The following CACNA1C variants were observed in gnomAD, a reference collection of about 807,000 sequenced individuals.
CACNA1C encodes calcium voltage-gated channel subunit alpha1 C.
CACNA1C carries 30 observed loss-of-function variants against 229.0 expected under a neutral mutation model. The observed-to-expected ratio is 0.13, with a 90% CI of 0.10 to 0.18. The LOEUF is 0.18. Ranked by LOEUF, CACNA1C falls within the 10% of genes least tolerant of loss-of-function variation. The pLI is 1.00. For synonymous variants in CACNA1C, 1,114 were observed against 1,132.5 expected, an observed-to-expected ratio of 0.98 and a Z score of 0.33; for missense variants, 1,658 against 2,845.0, an observed-to-expected ratio of 0.58 and a Z score of 9.49.
chr12:2,245,704 T>C (rs2370413), intron 3 of CACNA1C, among the ~76,000 whole-genome samples: 89,072 of 152,050 alleles, frequency 0.59, 28,714 homozygotes, highest in African/African-American at 0.87. Context: ...GACAGCAAAA[T>C]CTGGCCTTTC....
In CACNA1C at chr12:2,542,377, T is replaced by C. The variant is rs190082661; in HGVS notation, c.1391-7566T>C. 1.8e-3 allele frequency among the ~76,000 whole-genome samples: 272 copies of C among 152,306 alleles called. 5 individuals are homozygous for C. The highest frequency in any genetic ancestry group is 7.7e-4 in the East Asian group (4 of 5,178). ...TTGCTTTCAGCAATACAGGGAACTG[T>C]CAAGAGAGCCATTCGTTTTACAGAG... On this transcript the variant is annotated intron_variant, in intron 9 of 46. Coordinates refer to ENST00000399655, the MANE Select transcript of CACNA1C (RefSeq NM_000719.7).
chr12:2,210,745 TTTCATTCA>T (rs1386204641), intron 3 of CACNA1C, among the ~76,000 whole-genome samples: 2 of 152,216 alleles, frequency 1.3e-5, no homozygotes, highest in African/African-American at 4.8e-5. Flanking sequence ...AAGTTAATTT[TTTCATTCA>T]GTCATTCAGT....
At chr12:1,981,473 G>A (rs1378205751) in intron 1 of CACNA1C, among the ~76,000 whole-genome samples, 1 of 152,208 alleles carries the variant, frequency 6.6e-6, no homozygotes, top group Non-Finnish European at 1.5e-5. Flanking sequence ...CACTCTAACA[G>A]AGAAGCCAGG....
intron 3 of CACNA1C, among the ~76,000 whole-genome samples, chr12:2,163,298 C>T (rs1158637832): frequency 6.6e-6 from 1 of 152,032 alleles, no homozygotes. Context: ...TCACAACAGC[C>T]TTGTGACGTA....
At chr12:2,631,053 G>C (rs2090156244) in intron 29 of CACNA1C, among the ~76,000 whole-genome samples, 1 of 152,192 alleles carries the variant, frequency 6.6e-6, no homozygotes, top group Admixed American at 6.5e-5. Context: ...TTAGGTCTCA[G>C]CCCTTCACCC....
At chr12:2,015,331 C>G (rs1395727107) in intron 1 of CACNA1C, among the ~76,000 whole-genome samples, 1 of 152,172 alleles carries the variant, frequency 6.6e-6, no homozygotes, top group Admixed American at 6.5e-5. Context: ...TATCCCAGCC[C>G]CAAGTTTTCT....
intron 3 of CACNA1C, among the ~76,000 whole-genome samples, chr12:2,168,988 G>A (rs2096363912): frequency 6.6e-6 from 1 of 152,176 alleles, no homozygotes; most frequent in Admixed American, 6.5e-5. Flanking sequence ...GTCAGAGACT[G>A]TGATGACACA....
At chr12:2,062,299 A>G (rs1235553807) in intron 1 of CACNA1C, among the ~76,000 whole-genome samples, 2 of 152,250 alleles carry the variant, frequency 1.3e-5, no homozygotes, top group Non-Finnish European at 2.9e-5. Context: ...TTATCCTTAC[A>G]GTAATCCTAC....
chr12:2,195,976 C>G (rs2097391940), intron 3 of CACNA1C, among the ~76,000 whole-genome samples: 1 of 152,214 alleles, frequency 6.6e-6, no homozygotes, highest in African/African-American at 2.4e-5. Flanking sequence ...GTGTTCAGAT[C>G]AGATGGTCCC....
intron 38 of CACNA1C, among the ~76,000 whole-genome samples, chr12:2,670,807 C>T (rs188533756): frequency 6.0e-5 from 9 of 151,182 alleles, no homozygotes; most frequent in Admixed American, 5.3e-4. Flanking sequence ...TGCAGTGAGC[C>T]GAGATCACCC....
At chr12:2,192,102 G>GCA (rs1277716774) in intron 3 of CACNA1C, among the ~76,000 whole-genome samples, 1 of 151,850 alleles carries the variant, frequency 6.6e-6, no homozygotes. Context: ...ACATGGGCGC[G>GCA]CACACACACA....
Position 2,348,229 on chromosome 12 carries a change from A to G in CACNA1C, c.478-100747A>G, listed in dbSNP as rs1399523148. Among the ~76,000 whole-genome samples, 1 of 152,156 alleles carries G rather than the reference A, an allele frequency of 6.6e-6. No homozygotes were observed. The highest frequency in any genetic ancestry group is 1.5e-5 in the Non-Finnish European group (1 of 68,024). On this transcript the variant is annotated intron_variant, in intron 3 of 46. Coordinates refer to ENST00000399655, the MANE Select transcript of CACNA1C (RefSeq NM_000719.7). The surrounding 1 kb of genome is among the most constrained non-coding windows in gnomAD (Gnocchi z 4.7). ...AGGCGCCAGCTGTGCCTGACTCCTG[A>G]GGCCTTCTGCTCACCGGAAGGGGGG...
At chr12:2,365,839 A>G (rs2097706233) in intron 3 of CACNA1C, among the ~76,000 whole-genome samples, 1 of 152,210 alleles carries the variant, frequency 6.6e-6, no homozygotes, top group South Asian at 2.1e-4. Context: ...AATTCCTACC[A>G]GTGGGAATGG....
In CACNA1C at chr12:2,036,384, T is replaced by C. The variant is rs140500459; in HGVS notation, c.139+65183T>C. ...AAGGGGAATCAGGCTTTGTGGGTGC[T>C]GCCCCAGCCTCTAGCTCTGGAGAGC... is the stretch of plus-strand genomic sequence containing the variant. On this transcript the variant is annotated intron_variant, in intron 1 of 46. Coordinates refer to the CACNA1C transcript ENST00000682462. Among the ~76,000 whole-genome samples, 87 of 152,300 alleles carry C rather than the reference T, an allele frequency of 5.7e-4. No individual in the cohort carries two copies. In the East Asian group the frequency reaches 0.017, roughly 29 times the overall value.
chr12:2,110,424 C>T (rs1241508780), intron 1 of CACNA1C, among the ~76,000 whole-genome samples: 2 of 152,184 alleles, frequency 1.3e-5, no homozygotes, highest in African/African-American at 2.4e-5. Flanking sequence ...TGGGAGCATC[C>T]GTGGAAACAG....
At chr12:2,590,682 CGGG>C (rs763520031) in intron 18 of CACNA1C, among the ~76,000 whole-genome samples, 1 of 152,038 alleles carries the variant, frequency 6.6e-6, no homozygotes, top group Non-Finnish European at 1.5e-5. Flanking sequence ...GCTTCATAAA[CGGG>C]GGGGAGCTCG....
At chr12:2,563,898 G>A (rs574288511) in intron 11 of CACNA1C, among the ~76,000 whole-genome samples, 12 of 152,322 alleles carry the variant, frequency 7.9e-5, no homozygotes, top group Middle Eastern at 3.4e-3. Flanking sequence ...CTACATGCCC[G>A]GGGGCTAGGA....
chr12:2,120,559 C>CA, intron 3 of CACNA1C, 129 bp downstream of exon 3: 1 of 709,256 alleles, frequency 1.4e-6, no homozygotes, highest in Non-Finnish European at 2.6e-6. Context: ...CTGCAGAGCT[C>CA]ACATCCCGAG....
intron 3 of CACNA1C, among the ~76,000 whole-genome samples, chr12:2,426,591 C>G (rs992563437): frequency 2.0e-5 from 3 of 152,182 alleles, no homozygotes; most frequent in Non-Finnish European, 2.9e-5. Context: ...ACAAACTACC[C>G]GGATACTTAG....
Sources: allele counts gnomAD v4.1 joint callset (sites outside exome capture counted in the v4.1 genomes callset), GRCh38; gene constraint gnomAD v4.1.1; non-coding constraint Gnocchi (gnomAD v3.1); transcripts MANE v1.5; gene names NCBI Gene and HGNC (gene_info 2026-07-23, HGNC 2026-07-21).